CDX2: variants seen among roughly 807,000 people sequenced by gnomAD.
CDX2 encodes the protein caudal type homeobox 2, also known as homeobox protein CDX-2.
In CDX2, 7 loss-of-function variants were observed where a neutral mutation model predicts 25.5. That is an observed-to-expected ratio of 0.27 (90% CI 0.16 to 0.52). CDX2 has a LOEUF of 0.52. Ranked by LOEUF, CDX2 falls within the 20% of genes least tolerant of loss-of-function variation. CDX2 has a pLI of 0.97. For missense variants in CDX2, 375 were observed against 431.4 expected, an observed-to-expected ratio of 0.87 and a Z score of 1.16; for synonymous variants, 222 against 198.6, an observed-to-expected ratio of 1.12 and a Z score of -0.99.
chr13:27,963,037 T>G lies in CDX2; in HGVS notation c.*78A>C. 6.8e-7 allele frequency: 1 copy of G among 1,473,916 alleles called. No individual in the cohort carries two copies. Among genetic ancestry groups the G allele is most frequent in the Non-Finnish European group, 9.0e-7 (1 of 1,109,828 alleles). The allele number at this position is 1,473,916 out of a possible 1,614,324, so 91.3% of individuals were successfully genotyped here. On this transcript the variant is annotated 3_prime_UTR_variant, in exon 3 of 3. Transcript: ENST00000381020. Reference sequence around the variant, plus strand: ...GGCTGTGGGTGGGAGGGGAGGGGTCTCTCCTGAGGAGTCTAGCAGAGTCCA... The same window carrying G: ...GGCTGTGGGTGGGAGGGGAGGGGTCGCTCCTGAGGAGTCTAGCAGAGTCCA...
chr13:27,963,434 C>CCCAGCAGTAT, intron 2 of CDX2, 65 bp from the exon 3 acceptor site: 1 of 1,299,172 alleles, frequency 7.7e-7, no homozygotes, highest in Non-Finnish European at 1.1e-6. Flanking sequence ...AGGAACAGTA[C>CCCAGCAGTAT]CCAGCAGTAT....
chr13:27,965,898 C>T (rs1446913263), intron 1 of CDX2, among the ~76,000 whole-genome samples: 3 of 152,210 alleles, frequency 2.0e-5, no homozygotes, highest in Non-Finnish European at 4.4e-5. Context: ...TCTCTGGCTC[C>T]GTCCCACTTT....
Position 27,963,268 on chromosome 13 carries a change from C to T in CDX2, c.789G>A (p.Pro263=), listed in dbSNP as rs769586482. ...GCTGAGGCTGGGGAGGCTGTGGTGGCGGCGGAGGCGGCTGTGGTGGCTGCT... is the reference window on the plus strand; with the variant it reads ...GCTGAGGCTGGGGAGGCTGTGGTGGTGGCGGAGGCGGCTGTGGTGGCTGCT... ...QQQQPPQPPP[P]PPQPPQPQPG... is the part of the protein sequence containing the mutation. The change falls in exon 3 of 3, where the codon CCG becomes CCA. Residue 263 remains proline, a synonymous_variant. Transcript: ENST00000381020. 1.4e-5 allele frequency: 22 copies of T among 1,613,578 alleles called. No individual in the cohort carries two copies. Among genetic ancestry groups the T allele is most frequent in the African/African-American group, 4.0e-5 (3 of 74,926 alleles).
chr13:27,965,122 T>G, intron 1 of CDX2, 107 bp from the exon 2 acceptor site: 1 of 1,262,806 alleles, frequency 7.9e-7, no homozygotes. Flanking sequence ...TCCACCACCC[T>G]GGGGGGCCCG....
chr13:27,967,294 A>T (rs1189943802), intron 1 of CDX2: 1 of 513,888 alleles, frequency 1.9e-6, no homozygotes, highest in Non-Finnish European at 3.8e-6. Context: ...GGTCGGCGGC[A>T]TTCCCACCAG....
Position 27,964,932 on chromosome 13 carries a change from G to T in CDX2, c.625C>A (p.Arg209Ser). 1 of 1,614,108 alleles carries T rather than the reference G, an allele frequency of 6.2e-7. No homozygotes were observed. Among genetic ancestry groups the T allele is most frequent in the Non-Finnish European group, 8.5e-7 (1 of 1,179,998 alleles). ...LELEKEFHYSRYITIRRKAEL... is the reference protein window; with the variant it reads ...LELEKEFHYSSYITIRRKAEL... Reference sequence around the variant, plus strand: ...GCTTTCCTCCGGATGGTGATGTAGCGACTGTAGTGAAACTCCTTCTCCAGC... The same window carrying T: ...GCTTTCCTCCGGATGGTGATGTAGCTACTGTAGTGAAACTCCTTCTCCAGC... Residue 209 changes from arginine (R) to serine (S), a missense_variant, in exon 2 of 3, where the codon CGC (arginine) becomes AGC (serine). Arg to Ser is a moderately radical substitution (Grantham distance 110, BLOSUM62 -1). This residue lies in a region of CDX2 where 64 missense variants were observed against 124.6 expected (regional missense o/e 0.51). Transcript: ENST00000381020. This position sits in a 1 kb window ranked among gnomAD's most constrained non-coding sequence, Gnocchi z 4.7.
In CDX2 at chr13:27,962,145, G is replaced by A. The variant is rs1011327148; in HGVS notation, c.*970C>T. ...AGATAAATACAGAATCTGAAATCTG[G>A]AAAGCTCATTTATCTCTTTTTCTTT... is the stretch of plus-strand genomic sequence containing the variant. On this transcript the variant is annotated 3_prime_UTR_variant, in exon 3 of 3. Coordinates refer to ENST00000381020, the MANE Select transcript of CDX2 (RefSeq NM_001265.6). 1.3e-5 allele frequency: 3 copies of A among 231,842 alleles called. No homozygotes were observed. Among genetic ancestry groups the A allele is most frequent in the African/African-American group, 2.2e-5 (1 of 45,230 alleles). The allele number at this position is 231,842 out of a possible 1,614,324, so 14.4% of individuals were successfully genotyped here.
In CDX2 at chr13:27,962,446, C is replaced by T. The variant is rs1869097268; in HGVS notation, c.*669G>A. ...CTGGTGACAGGCTCTCTAAACAAGT[C>T]CCTGTTCGGGCCCCCTGGTCAGGCC... is the stretch of plus-strand genomic sequence containing the variant. On this transcript the variant is annotated 3_prime_UTR_variant, in exon 3 of 3. Transcript: ENST00000381020. 4.3e-6 allele frequency: 1 copy of T among 233,100 alleles called. No homozygotes were observed. The highest frequency in any genetic ancestry group is 8.5e-6 in the Non-Finnish European group (1 of 117,760). 14.4% of individuals were successfully genotyped at this position (233,100 alleles called of 1,614,324 possible). A position where few individuals can be genotyped will look rare whatever the true frequency, so the allele number is the denominator to read the frequency against.
intron 1 of CDX2, among the ~76,000 whole-genome samples, chr13:27,967,059 C>A (rs1479152496): frequency 6.6e-6 from 1 of 152,204 alleles, no homozygotes; most frequent in Non-Finnish European, 1.5e-5. Context: ...CCCTCCCGCC[C>A]CCTTCCCGGC....
chr13:27,964,803 G>T lies in CDX2; in HGVS notation c.687+67C>A. 5 of 1,524,734 alleles carry T rather than the reference G, an allele frequency of 3.3e-6. No individual in the cohort carries two copies. In the Admixed American group the frequency reaches 5.1e-5, roughly 16 times the overall value. The allele number at this position is 1,524,734 out of a possible 1,614,324, so 94.5% of individuals were successfully genotyped here. A position where few individuals can be genotyped will look rare whatever the true frequency, so the allele number is the denominator to read the frequency against. On this transcript the variant is annotated intron_variant, in intron 2 of 2. Transcript: ENST00000381020. This position sits in a 1 kb window ranked among gnomAD's most constrained non-coding sequence, Gnocchi z 4.7. ...CAGATTTAGATGGCCCCTGCAGCCA[G>T]ATTTTCTAACTCTCATGGTCCTCTG...
chr13:27,963,109 G>C lies in CDX2; in HGVS notation c.*6C>G. 7 of 1,607,278 alleles carry C rather than the reference G, an allele frequency of 4.4e-6. No individual in the cohort carries two copies. The highest frequency in any genetic ancestry group is 4.3e-6 in the Non-Finnish European group (5 of 1,175,276). On this transcript the variant is annotated 3_prime_UTR_variant, in exon 3 of 3. Transcript: ENST00000381020. ...GAATTGCTCTGCCGCTGCAGAACCCGGTGGGTCACTGGGTGACGGTGGGGT... is the reference window on the plus strand; with the variant it reads ...GAATTGCTCTGCCGCTGCAGAACCCCGTGGGTCACTGGGTGACGGTGGGGT...
rs1210474548 is a variant in CDX2, at chr13:27,964,640, G to A, written c.687+230C>T. Among the ~76,000 whole-genome samples, 1 of 150,264 alleles carries A rather than the reference G, an allele frequency of 6.7e-6. No individual in the cohort carries two copies. Among genetic ancestry groups the A allele is most frequent in the Non-Finnish European group, 1.5e-5 (1 of 67,842 alleles). On this transcript the variant is annotated intron_variant, in intron 2 of 2. Transcript: ENST00000381020. This position sits in a 1 kb window ranked among gnomAD's most constrained non-coding sequence, Gnocchi z 4.7. ...GATCCCTTCAGCTCAGGAAGTCAGG[G>A]CTGCAGTGAGCTATGATTGTGCCAC...
chr13:27,968,886 C>G lies in CDX2; in HGVS notation c.121G>C (p.Gly41Arg). 3 of 1,605,944 alleles carry G rather than the reference C, an allele frequency of 1.9e-6. No homozygotes were observed. The highest frequency in any genetic ancestry group is 2.5e-6 in the Non-Finnish European group (3 of 1,177,672). Residue 41 changes from glycine to arginine, a missense_variant, in exon 1 of 3, where the codon GGC (glycine) becomes CGC (arginine). Physicochemically the swap from Gly to Arg is moderately radical, Grantham distance 125. Around this residue, in one of 3 missense-constraint regions of CDX2, gnomAD observed 253 missense variants for 247.5 expected, o/e 1.02. Coordinates refer to ENST00000381020, the MANE Select transcript of CDX2 (RefSeq NM_001265.6). Reference protein sequence around the residue: ...FVSPPQYPDYGGYHVAAAAAA... With the variant: ...FVSPPQYPDYRGYHVAAAAAA... Reference sequence around the variant, plus strand: ...GCTGCGGCCGCCACGTGGTAACCGCCGTAGTCCGGGTACTGCGGGGGGCTG... The same window carrying G: ...GCTGCGGCCGCCACGTGGTAACCGCGGTAGTCCGGGTACTGCGGGGGGCTG...
chr13:27,964,777 A>G lies in CDX2; in HGVS notation c.687+93T>C, dbSNP rs1328408065. The G allele has an allele frequency of 6.7e-6, 8 of 1,202,738 alleles. No individual in the cohort carries two copies. The highest frequency in any genetic ancestry group is 2.5e-5 in the South Asian group (2 of 78,706). The allele number at this position is 1,202,738 out of a possible 1,614,324, so 74.5% of individuals were successfully genotyped here. A position where few individuals can be genotyped will look rare whatever the true frequency, so the allele number is the denominator to read the frequency against. Reference sequence around the variant, plus strand: ...TGCATCCTCCTGCTTCAGTCTCTCCACAGATTTAGATGGCCCCTGCAGCCA... The same window carrying G: ...TGCATCCTCCTGCTTCAGTCTCTCCGCAGATTTAGATGGCCCCTGCAGCCA... On this transcript the variant is annotated intron_variant, in intron 2 of 2. Transcript: ENST00000381020. The surrounding 1 kb of genome is among the most constrained non-coding windows in gnomAD (Gnocchi z 4.7).
rs1247496628 is a variant in CDX2 at position 27,961,467 on chromosome 13, G to A, written c.*1648C>T. 2.6e-5 allele frequency among the ~76,000 whole-genome samples: 4 copies of A among 152,180 alleles called. No homozygotes were observed. Among genetic ancestry groups the A allele is most frequent in the African/African-American group, 7.2e-5 (3 of 41,458 alleles). On this transcript the variant is annotated 3_prime_UTR_variant, in exon 3 of 3. Transcript: ENST00000381020. ...TTTAAAGGCTGCAGCCCGGTCCCCA[G>A]TGGATCGGCCAGATAACAAGAAACT... is the stretch of plus-strand genomic sequence containing the variant.
intron 1 of CDX2, chr13:27,967,287 C>A (rs944439728): frequency 8.0e-5 from 41 of 511,676 alleles, no homozygotes; most frequent in Non-Finnish European, 1.4e-4. Flanking sequence ...TCTCCCCGGT[C>A]GGCGGCATTC....
intron 1 of CDX2, among the ~76,000 whole-genome samples, 163 bp downstream of exon 1, chr13:27,968,303 G>C (rs1381392366): frequency 1.3e-5 from 2 of 152,250 alleles, no homozygotes; most frequent in African/African-American, 2.4e-5. Context: ...GCCCCGACGG[G>C]CCAGAGGCCC....
At chr13:27,966,581 G>A (rs1869338426) in intron 1 of CDX2, among the ~76,000 whole-genome samples, 2 of 152,172 alleles carry the variant, frequency 1.3e-5, no homozygotes, top group Admixed American at 1.3e-4. Flanking sequence ...GCCTGGAAGT[G>A]TCTCGGAGCG....
chr13:27,963,265 T>C lies in CDX2; in HGVS notation c.792A>G (p.Pro264=). ...QQQPPQPPPP[P]PQPPQPQPGP... is the part of the protein sequence containing the mutation. Reference sequence around the variant, plus strand: ...CTGGCTGAGGCTGGGGAGGCTGTGGTGGCGGCGGAGGCGGCTGTGGTGGCT... The same window carrying C: ...CTGGCTGAGGCTGGGGAGGCTGTGGCGGCGGCGGAGGCGGCTGTGGTGGCT... The change falls in exon 3 of 3, where the codon CCA becomes CCG. Residue 264 remains proline, a synonymous_variant. Coordinates refer to ENST00000381020, the MANE Select transcript of CDX2 (RefSeq NM_001265.6). 2 of 1,614,012 alleles carry C rather than the reference T, an allele frequency of 1.2e-6. No individual in the cohort carries two copies. The highest frequency in any genetic ancestry group is 1.7e-6 in the Non-Finnish European group (2 of 1,179,930).
Sources: gnomAD v4.1 joint callset for allele counts (sites outside exome capture counted in the v4.1 genomes callset) on GRCh38, gnomAD v4.1.1 for gene constraint, gnomAD v4.1.1 regional missense constraint, Gnocchi (gnomAD v3.1) non-coding constraint, MANE v1.5 for transcripts, NCBI Gene and HGNC (gene_info 2026-07-23, HGNC 2026-07-21) for gene names.